The following KANK1 variants were observed in gnomAD, a reference collection of about 807,000 sequenced individuals.
The protein encoded by KANK1 is KN motif and ankyrin repeat domains 1.
KANK1 carries 109 observed loss-of-function variants against 106.2 expected under a neutral mutation model. The observed-to-expected ratio is 1.03, with a 90% CI of 0.88 to 1.20. The LOEUF (loss-of-function observed/expected upper bound fraction) is 1.20. KANK1 is among the 50% of genes most tolerant of loss of function. The probability of loss-of-function intolerance (pLI) is 0.00; values close to 1 mark genes in which losing one functional copy is unlikely to be tolerated. For missense variants in KANK1, 2,399 were observed against 1,710.7 expected, an observed-to-expected ratio of 1.40 and a Z score of -7.10; for synonymous variants, 873 against 652.2, an observed-to-expected ratio of 1.34 and a Z score of -5.16.
intron 1 of KANK1, among the ~76,000 whole-genome samples, chr9:631,633 C>A (rs1264858800): frequency 6.6e-6 from 1 of 152,230 alleles, no homozygotes; most frequent in Non-Finnish European, 1.5e-5. Flanking sequence ...AATATGGTGG[C>A]TTCTGAGCTC....
intron 2 of KANK1, among the ~76,000 whole-genome samples, chr9:689,344 C>A (rs1819319082): frequency 6.6e-6 from 1 of 152,148 alleles, no homozygotes; most frequent in Non-Finnish European, 1.5e-5. Flanking sequence ...GTAGGACCAT[C>A]AGATAGCATC....
At chr9:657,422 A>C (rs1842389716) in intron 1 of KANK1, among the ~76,000 whole-genome samples, 1 of 151,938 alleles carries the variant, frequency 6.6e-6, no homozygotes, top group African/African-American at 2.4e-5. Context: ...TGGTAGTTCT[A>C]TTTCTTATTT....
In KANK1 at chr9:657,304, G is replaced by T. The variant is rs144506269; in HGVS notation, c.-83-19586G>T. On this transcript the variant is annotated intron_variant, in intron 1 of 11. Coordinates refer to ENST00000382297, the MANE Select transcript of KANK1 (RefSeq NM_015158.5). The stretch of plus-strand genomic sequence containing the variant: ...GACTTTTAGGTTGCTTCTGCATGTT[G>T]GTCATTGTGAATAATTCTGTAGTGA... Among the ~76,000 whole-genome samples, 21 of 152,256 alleles carry T rather than the reference G, an allele frequency of 1.4e-4. No individual in the cohort carries two copies. The East Asian group carries it at 3.7e-3, about 27-fold the overall frequency.
intron 1 of KANK1, among the ~76,000 whole-genome samples, chr9:599,460 A>G (rs529053192): frequency 2.6e-5 from 4 of 151,980 alleles, no homozygotes; most frequent in South Asian, 2.1e-4. Flanking sequence ...TTTTCCATGC[A>G]TTTATATACA....
intron 8 of KANK1, 105 bp downstream of exon 8, chr9:738,609 A>C (rs576389453): frequency 2.3e-6 from 2 of 875,494 alleles, no homozygotes; most frequent in South Asian, 3.2e-5. Context: ...ACCATGCTAA[A>C]ATCCTTTTTA....
chr9:704,656 CCAAA>C (rs558402060), intron 2 of KANK1, among the ~76,000 whole-genome samples: 24 of 152,180 alleles, frequency 1.6e-4, no homozygotes, highest in Non-Finnish European at 3.5e-4. Context: ...CATTTGCCTT[CCAAA>C]CAGAGACTTC....
chr9:585,451 C>T (rs1823225209), intron 1 of KANK1, among the ~76,000 whole-genome samples: 1 of 152,028 alleles, frequency 6.6e-6, no homozygotes, highest in Non-Finnish European at 1.5e-5. Context: ...TTGTATCAGC[C>T]TCAAATAAAA....
intron 1 of KANK1, among the ~76,000 whole-genome samples, chr9:598,167 A>T (rs997352158): frequency 6.6e-6 from 1 of 151,514 alleles, no homozygotes; most frequent in East Asian, 1.9e-4. Flanking sequence ...TTAAAAATCT[A>T]TTGGCCATAT....
At chr9:495,518 A>C (rs2058444213) in intron 3 of KANK1, 1 of 152,134 alleles carries the variant, frequency 6.6e-6, no homozygotes, top group African/African-American at 2.4e-5. Context: ...CTAGGTAAGC[A>C]TGCTATCTTC....
chr9:553,859 A>T (rs898368714), intron 1 of KANK1, among the ~76,000 whole-genome samples: 1 of 152,230 alleles, frequency 6.6e-6, no homozygotes, highest in Non-Finnish European at 1.5e-5. Flanking sequence ...CCCAAATATA[A>T]TGGAAATCTG....
intron 1 of KANK1, among the ~76,000 whole-genome samples, chr9:651,615 C>A (rs903148530): frequency 9.2e-5 from 14 of 152,196 alleles, no homozygotes; most frequent in Non-Finnish European, 1.9e-4. Flanking sequence ...TCTCTCAACA[C>A]AATGATGTCT....
At chr9:705,303 T>C (rs1041640804) in intron 2 of KANK1, among the ~76,000 whole-genome samples, 9 of 151,900 alleles carry the variant, frequency 5.9e-5, no homozygotes, top group Non-Finnish European at 1.2e-4. Flanking sequence ...CTGGCCAACA[T>C]AGTGAAACCC....
chr9:558,345 A>G (rs1411803510), intron 1 of KANK1, among the ~76,000 whole-genome samples: 6 of 152,368 alleles, frequency 3.9e-5, no homozygotes, highest in African/African-American at 1.2e-4. Context: ...CTGTGGACAT[A>G]ATTAGTGAAT....
intron 1 of KANK1, among the ~76,000 whole-genome samples, chr9:635,721 C>T (rs1480067770): frequency 5.7e-5 from 5 of 87,254 alleles, no homozygotes; most frequent in South Asian, 3.5e-4. Flanking sequence ...TTTTTTGAGA[C>T]GGAGTCTTAC....
intron 1 of KANK1, among the ~76,000 whole-genome samples, chr9:612,425 C>G (rs7023618): frequency 0.26 from 38,908 of 151,932 alleles, 5,151 homozygotes; most frequent in Admixed American, 0.34. Context: ...GACATGATGT[C>G]TGCTGAAATG....
intron 1 of KANK1, among the ~76,000 whole-genome samples, chr9:558,135 A>C (rs1563766377): frequency 6.6e-6 from 1 of 152,170 alleles, no homozygotes; most frequent in African/African-American, 2.4e-5. Context: ...ACCTTTGAAA[A>C]GGCTAGAGGA....
At chr9:520,374 G>C (rs552926400) in intron 1 of KANK1, among the ~76,000 whole-genome samples, 14 of 151,464 alleles carry the variant, frequency 9.2e-5, no homozygotes, top group African/African-American at 3.4e-4. Flanking sequence ...GAAGTGACCA[G>C]TTCATTCATA....
At chr9:476,196 G>A (rs547838410) in intron 3 of KANK1, among the ~76,000 whole-genome samples, 1 of 151,558 alleles carries the variant, frequency 6.6e-6, no homozygotes, top group Admixed American at 6.6e-5. Flanking sequence ...TTAAATGCCT[G>A]CTCCACAGTA....
chr9:637,527 C>T (rs900023826), intron 1 of KANK1, among the ~76,000 whole-genome samples: 1 of 152,124 alleles, frequency 6.6e-6, no homozygotes, highest in African/African-American at 2.4e-5. Flanking sequence ...TGGGACTTAC[C>T]TTCAGGGATA....
Sources: allele counts gnomAD v4.1 joint callset (sites outside exome capture counted in the v4.1 genomes callset), GRCh38; gene constraint gnomAD v4.1.1; transcripts MANE v1.5; gene names NCBI Gene and HGNC (gene_info 2026-07-23, HGNC 2026-07-21).